The following PARD3B variants were observed in gnomAD, a reference collection of about 807,000 sequenced individuals.
PARD3B encodes the protein par-3 family cell polarity regulator beta.
In PARD3B, 103 loss-of-function variants were observed where a neutral mutation model predicts 130.2. That is an observed-to-expected ratio of 0.79 (90% CI 0.67 to 0.93). The LOEUF (loss-of-function observed/expected upper bound fraction) is 0.93. Ranked by LOEUF, PARD3B falls within the 40% of genes least tolerant of loss-of-function variation. PARD3B has a pLI of 0.00. For missense variants in PARD3B, 1,609 were observed against 1,499.2 expected (o/e 1.07, Z -1.21); for synonymous variants, 583 against 553.2 (o/e 1.05, Z -0.76).
At chr2:205,312,607 T>C (rs903755946) in intron 18 of PARD3B, among the ~76,000 whole-genome samples, 5 of 152,220 alleles carry the variant, frequency 3.3e-5, no homozygotes, top group Non-Finnish European at 5.9e-5. Context: ...CTAAACCATG[T>C]TGGAATTGAG....
chr2:204,553,142 C>G (rs896772326), intron 1 of PARD3B, among the ~76,000 whole-genome samples: 17 of 151,236 alleles, frequency 1.1e-4, no homozygotes, highest in Admixed American at 8.5e-4. Flanking sequence ...AAATGGCCAA[C>G]AAACAAGAAA....
intron 3 of PARD3B, among the ~76,000 whole-genome samples, chr2:205,004,654 C>T (rs1695106837): frequency 6.6e-6 from 1 of 152,104 alleles, no homozygotes; most frequent in Non-Finnish European, 1.5e-5. Context: ...AAGGCAATGT[C>T]ATATCAATAA....
intron 2 of PARD3B, among the ~76,000 whole-genome samples, chr2:204,847,644 C>G (rs139116884): frequency 1.3e-3 from 192 of 152,282 alleles, no homozygotes; most frequent in Non-Finnish European, 2.3e-3. Flanking sequence ...AGGCTACCAT[C>G]CATTCCACCT....
chr2:204,751,701 A>AC (rs1451970580), intron 2 of PARD3B, among the ~76,000 whole-genome samples: 2 of 152,226 alleles, frequency 1.3e-5, no homozygotes, highest in African/African-American at 2.4e-5. Flanking sequence ...TGATGAGTTG[A>AC]CCAAAATTCA....
chr2:205,145,236 C>T (rs952206403), intron 10 of PARD3B, among the ~76,000 whole-genome samples: 1 of 152,002 alleles, frequency 6.6e-6, no homozygotes, highest in Non-Finnish European at 1.5e-5. Flanking sequence ...TATTTTTTAA[C>T]TATGGCACTT....
In PARD3B at chr2:204,654,393, C is replaced by A. The variant is rs548030993; in HGVS notation, c.121-31788C>A. Among the ~76,000 whole-genome samples, 64 of 150,766 alleles carry A rather than the reference C, an allele frequency of 4.2e-4. 2 individuals carry two copies. The highest frequency in any genetic ancestry group is 1.5e-3 in the African/African-American group (61 of 40,166). On this transcript the variant is annotated intron_variant, in intron 1 of 22. Coordinates refer to ENST00000406610, the MANE Select transcript of PARD3B (RefSeq NM_001302769.2). ...CATGGGTGAATAGTTGCTTCTATTC[C>A]CGTGTATTCCTCACTGAGCTTTCTT...
chr2:204,854,627 A>G (rs1000109804), intron 2 of PARD3B, among the ~76,000 whole-genome samples: 5 of 152,216 alleles, frequency 3.3e-5, no homozygotes, highest in Non-Finnish European at 7.3e-5. Context: ...CTGAGCACAT[A>G]GCAGATACTC....
intron 22 of PARD3B, among the ~76,000 whole-genome samples, chr2:205,583,121 C>G (rs1162332144): frequency 6.6e-6 from 1 of 152,232 alleles, no homozygotes; most frequent in African/African-American, 2.4e-5. Context: ...GCAATATATG[C>G]TCTCCGTGGA....
At chr2:204,639,333 T>G (rs115439115) in intron 1 of PARD3B, among the ~76,000 whole-genome samples, 2,591 of 152,252 alleles carry the variant, frequency 0.017, 37 homozygotes, top group Middle Eastern at 0.072. Context: ...GTATGATTTT[T>G]GTGAGGATGA....
At chr2:204,956,540 GTGTA>G (rs761506416) in intron 2 of PARD3B, among the ~76,000 whole-genome samples, 45 of 151,596 alleles carry the variant, frequency 3.0e-4, no homozygotes, top group South Asian at 4.2e-4. Context: ...GTGTGTGTGT[GTGTA>G]TGTGTGTCCA....
At chr2:204,616,370 A>T (rs989167541) in intron 1 of PARD3B, among the ~76,000 whole-genome samples, 1 of 152,220 alleles carries the variant, frequency 6.6e-6, no homozygotes, top group Non-Finnish European at 1.5e-5. Context: ...TGAAAAGATG[A>T]TCCACATCAT....
chr2:205,168,288 G>GGAGGGAGA (rs1411772402), intron 11 of PARD3B, among the ~76,000 whole-genome samples: 2 of 126,844 alleles, frequency 1.6e-5, no homozygotes, highest in Non-Finnish European at 3.2e-5. Context: ...GGTGAGAAAG[G>GGAGGGAGA]GAGAGAGAGA....
chr2:204,698,990 A>G (rs10490271), intron 2 of PARD3B, among the ~76,000 whole-genome samples: 5,168 of 152,222 alleles, frequency 0.034, 317 homozygotes, highest in African/African-American at 0.12. Flanking sequence ...GTGAAGTATA[A>G]TAATCTTTTA....
chr2:205,114,170 T>G (rs540110916), intron 6 of PARD3B, among the ~76,000 whole-genome samples: 1 of 152,282 alleles, frequency 6.6e-6, no homozygotes, highest in Admixed American at 6.5e-5. Flanking sequence ...AAATCCACAC[T>G]GGTAAAAATG....
chr2:204,916,540 A>G (rs995676808), intron 2 of PARD3B, among the ~76,000 whole-genome samples: 1 of 152,200 alleles, frequency 6.6e-6, no homozygotes, highest in Non-Finnish European at 1.5e-5. Context: ...TAAAATTTAC[A>G]TTTTTTACAT....
At chr2:205,173,418 G>A (rs1035056580) in intron 12 of PARD3B, among the ~76,000 whole-genome samples, 2 of 152,134 alleles carry the variant, frequency 1.3e-5, no homozygotes, top group African/African-American at 4.8e-5. Context: ...TTAGTGCTTG[G>A]TATTCATAGA....
At chr2:204,857,328 T>G (rs1306139868) in intron 2 of PARD3B, among the ~76,000 whole-genome samples, 1 of 151,944 alleles carries the variant, frequency 6.6e-6, no homozygotes, top group Non-Finnish European at 1.5e-5. Flanking sequence ...TAAATCCTGT[T>G]TGTATCTGTC....
chr2:204,732,665 C>G (rs1487760400), intron 2 of PARD3B, among the ~76,000 whole-genome samples: 2 of 152,030 alleles, frequency 1.3e-5, no homozygotes, highest in African/African-American at 4.8e-5. Flanking sequence ...ACATCTCCCC[C>G]TTTAGAGACT....
At chr2:205,066,290 T>G (rs1468739358) in intron 4 of PARD3B, among the ~76,000 whole-genome samples, 1 of 152,176 alleles carries the variant, frequency 6.6e-6, no homozygotes, top group African/African-American at 2.4e-5. Context: ...GGTCGCATGG[T>G]TAACATCAAA....
Sources: gnomAD v4.1 joint callset for allele counts (sites outside exome capture counted in the v4.1 genomes callset) on GRCh38, gnomAD v4.1.1 for gene constraint, MANE v1.5 for transcripts, NCBI Gene and HGNC (gene_info 2026-07-23, HGNC 2026-07-21) for gene names.